SRP68: variants seen among roughly 807,000 people sequenced by gnomAD.
SRP68 encodes the protein signal recognition particle 68, also known as signal recognition particle subunit SRP68.
A neutral mutation model predicts 82.2 loss-of-function variants in SRP68; 15 were observed. The ratio of observed to expected loss-of-function variants is 0.18; its 90% confidence interval spans 0.12 to 0.28. The LOEUF (loss-of-function observed/expected upper bound fraction) is 0.28, where lower values mean the gene tolerates loss of function less well. Among genes scored for constraint, SRP68 ranks in the 10% least tolerant of loss-of-function variants. The pLI is 1.00. For missense variants in SRP68, 595 were observed against 780.5 expected (o/e 0.76, Z 2.83); for synonymous variants, 261 against 292.6 (o/e 0.89, Z 1.10).
At chr17:76,065,508 A>G (rs938455966) in intron 3 of SRP68, among the ~76,000 whole-genome samples, 4 of 151,310 alleles carry the variant, frequency 2.6e-5, no homozygotes, top group African/African-American at 9.7e-5. Context: ...TTTAATCACT[A>G]CATCCTGCTG....
Position 76,039,080 on chromosome 17 carries a change from G to C in SRP68, c.*626C>G, listed in dbSNP as rs777459498. 35 of 303,886 alleles carry C rather than the reference G, an allele frequency of 1.2e-4. No individual in the cohort carries two copies. The highest frequency in any genetic ancestry group is 1.9e-4 in the Non-Finnish European group (28 of 151,244). The allele number at this position is 303,886 out of a possible 1,614,324, so 18.8% of individuals were successfully genotyped here. ...GAGAACGGGGACTGGACATGAGGGA[G>C]GGCATATAAGAAATGGGCACAGTCT... is the stretch of plus-strand genomic sequence containing the variant. On this transcript the variant is annotated 3_prime_UTR_variant, in exon 16 of 16. Transcript: ENST00000307877.
At chr17:76,050,071 A>G (rs1333073485) in intron 9 of SRP68, among the ~76,000 whole-genome samples, 1 of 152,188 alleles carries the variant, frequency 6.6e-6, no homozygotes, top group East Asian at 1.9e-4. Context: ...ACAGGGACAA[A>G]AGAGACAAAT....
chr17:76,067,192 G>A (rs367726918), intron 3 of SRP68, 25 bp downstream of exon 3: 2 of 1,528,594 alleles, frequency 1.3e-6, no homozygotes, highest in Non-Finnish European at 9.1e-7. Context: ...GAAGTAATTT[G>A]CAACTAGCAT....
At chr17:76,055,969 G>A (rs2066711370) in intron 8 of SRP68, among the ~76,000 whole-genome samples, 1 of 151,754 alleles carries the variant, frequency 6.6e-6, no homozygotes, top group South Asian at 2.1e-4. Context: ...ACCACGCCCA[G>A]CTAAATTTTT....
At chr17:76,058,641 A>G (rs1035470425) in intron 7 of SRP68, among the ~76,000 whole-genome samples, 3 of 152,210 alleles carry the variant, frequency 2.0e-5, no homozygotes, top group African/African-American at 7.2e-5. Flanking sequence ...ACATAGCGGA[A>G]GGTTAAAAAG....
chr17:76,067,325 T>C lies in SRP68; in HGVS notation c.257A>G (p.Tyr86Cys). 6.2e-7 allele frequency: 1 copy of C among 1,611,278 alleles called. No homozygotes were observed. The change falls in exon 3 of 16, where the codon TAC becomes TGC. Residue 86 changes from tyrosine (Y) to cysteine (C), a missense_variant. This residue lies in a region of SRP68 where 495 missense variants were observed against 688.6 expected (regional missense o/e 0.72). Coordinates refer to ENST00000307877, the MANE Select transcript of SRP68 (RefSeq NM_014230.4). ...AAGACGTCTTTGTCTACGGGAACAGTAGCCCCTGTAAGAAACCACAAACAA... is the reference window on the plus strand; with the variant it reads ...AAGACGTCTTTGTCTACGGGAACAGCAGCCCCTGTAAGAAACCACAAACAA... Reference protein sequence around the residue: ...RHGDFQRYRGYCSRRQRRLRK... With the variant: ...RHGDFQRYRGCCSRRQRRLRK...
At chr17:76,066,299 A>C (rs1385764682) in intron 3 of SRP68, among the ~76,000 whole-genome samples, 2 of 152,094 alleles carry the variant, frequency 1.3e-5, no homozygotes, top group South Asian at 4.2e-4. Context: ...TAAAAATACA[A>C]AACTCAGCTG....
chr17:76,047,982 GAA>G lies in SRP68; in HGVS notation c.1078-14_1078-13del, dbSNP rs2066644132. The stretch of plus-strand genomic sequence containing the variant: ...TAATCTCTCTGTTTCTGCAGAAAGT[GAA>G]AAAGGTAAAAAGTAAAGCAACTGAT... On this transcript the variant is annotated splice_polypyrimidine_tract_variant and intron_variant, in intron 9 of 15. Transcript: ENST00000307877. 1 of 1,559,030 alleles carries G rather than the reference GAA, an allele frequency of 6.4e-7. No individual in the cohort carries two copies. The highest frequency in any genetic ancestry group is 1.2e-5 in the South Asian group (1 of 80,918).
intron 13 of SRP68, among the ~76,000 whole-genome samples, chr17:76,042,149 G>A (rs960434397): frequency 2.0e-5 from 3 of 152,020 alleles, no homozygotes; most frequent in African/African-American, 7.2e-5. Flanking sequence ...CTCCCACAGT[G>A]CTGGGATTAC....
chr17:76,058,145 GA>G (rs928288511), intron 7 of SRP68, among the ~76,000 whole-genome samples: 23 of 119,096 alleles, frequency 1.9e-4, no homozygotes, highest in Admixed American at 2.7e-4. Flanking sequence ...GCTAATTTAA[GA>G]AAAAAAAAAA....
Position 76,072,515 on chromosome 17 carries a change from G to A in SRP68, c.-24C>T. 6.3e-7 allele frequency: 1 copy of A among 1,576,352 alleles called. No individual in the cohort carries two copies. The highest frequency in any genetic ancestry group is 8.5e-7 in the Non-Finnish European group (1 of 1,171,372). On this transcript the variant is annotated 5_prime_UTR_variant, in exon 1 of 16. Transcript: ENST00000307877. The surrounding 1 kb of genome is among the most constrained non-coding windows in gnomAD (Gnocchi z 4.5). ...ATCTTGCCCCTGCGCCGCAGAGCAA[G>A]ACGGGATAGGGGAGGCGGGACGACC...
intron 4 of SRP68, among the ~76,000 whole-genome samples, chr17:76,062,294 A>G (rs2066758244): frequency 6.7e-6 from 1 of 148,252 alleles, no homozygotes; most frequent in Non-Finnish European, 1.5e-5. Context: ...CTCAGAAAAA[A>G]AAAAAAAAAA....
At chr17:76,057,863 C>T (rs1481122472) in intron 7 of SRP68, among the ~76,000 whole-genome samples, 4 of 152,120 alleles carry the variant, frequency 2.6e-5, no homozygotes, top group East Asian at 3.9e-4. Context: ...TTAGTAGAGA[C>T]GAGGTTTCAC....
At chr17:76,067,109 C>T (rs2066812755) in intron 3 of SRP68, 108 bp downstream of exon 3, 1 of 843,384 alleles carries the variant, frequency 1.2e-6, no homozygotes, top group Non-Finnish European at 2.0e-6. Context: ...GTAAACAATG[C>T]CCAGCCCACA....
chr17:76,040,340 C>A, intron 15 of SRP68, 79 bp downstream of exon 15: 1 of 1,389,326 alleles, frequency 7.2e-7, no homozygotes, highest in Non-Finnish European at 1.0e-6. Flanking sequence ...TTAGGGTCCA[C>A]TGCTCTATAA....
Position 76,039,643 on chromosome 17 carries a change from T to C in SRP68, c.*63A>G, listed in dbSNP as rs1426292019. On this transcript the variant is annotated 3_prime_UTR_variant, in exon 16 of 16. Coordinates refer to ENST00000307877, the MANE Select transcript of SRP68 (RefSeq NM_014230.4). Reference sequence around the variant, plus strand: ...CTGGATTTAATATCATGGAACTTGCTGGGATTTTCTCACAATACAGATTAA... The same window carrying C: ...CTGGATTTAATATCATGGAACTTGCCGGGATTTTCTCACAATACAGATTAA... 4.6e-6 allele frequency: 7 copies of C among 1,514,374 alleles called. 1 individual carries two copies. In the East Asian group the frequency reaches 1.1e-4, roughly 25 times the overall value. 93.8% of individuals were successfully genotyped at this position (1,514,374 alleles called of 1,614,324 possible).
chr17:76,042,232 C>G (rs1347990990), intron 13 of SRP68, among the ~76,000 whole-genome samples: 1 of 152,030 alleles, frequency 6.6e-6, no homozygotes, highest in Non-Finnish European at 1.5e-5. Flanking sequence ...TACATGGATT[C>G]CTTAGACCAG....
chr17:76,055,809 T>TC (rs1321209737), intron 8 of SRP68, among the ~76,000 whole-genome samples: 47 of 112,206 alleles, frequency 4.2e-4, no homozygotes, highest in Middle Eastern at 4.5e-3. Flanking sequence ...TTTTTCTTCT[T>TC]TTTTTTTTTT....
intron 7 of SRP68, among the ~76,000 whole-genome samples, chr17:76,057,890 G>T (rs9889959): frequency 0.14 from 20,806 of 152,108 alleles, 4,008 homozygotes; most frequent in African/African-American, 0.43. Flanking sequence ...GGCCAGACTG[G>T]TCTCAAACTC....
Sources: allele counts gnomAD v4.1 joint callset (sites outside exome capture counted in the v4.1 genomes callset), GRCh38; gene constraint gnomAD v4.1.1; regional missense constraint gnomAD v4.1.1; non-coding constraint Gnocchi (gnomAD v3.1); transcripts MANE v1.5; gene names NCBI Gene and HGNC (gene_info 2026-07-23, HGNC 2026-07-21).